Variants in ARHGEF4 observed in about 807,000 individuals in gnomAD.
ARHGEF4 encodes the protein APC-stimulated guanine nucleotide exchange factor 1.
Under a neutral mutation model 162.0 loss-of-function variants are expected in ARHGEF4, and 119 were observed. The observed-to-expected ratio is 0.73, with a 90% CI of 0.63 to 0.86. The LOEUF (loss-of-function observed/expected upper bound fraction) is 0.86. Among genes scored for constraint, ARHGEF4 ranks in the 40% least tolerant of loss-of-function variants. The pLI is 0.00. For synonymous variants in ARHGEF4, 1,014 were observed against 979.9 expected, an observed-to-expected ratio of 1.03 and a Z score of -0.65; for missense variants, 2,488 against 2,456.0, an observed-to-expected ratio of 1.01 and a Z score of -0.28.
At chr2:130,909,383 C>T (rs562375518) in intron 1 of ARHGEF4, among the ~76,000 whole-genome samples, 1 of 152,200 alleles carries the variant, frequency 6.6e-6, no homozygotes, top group South Asian at 2.1e-4. Flanking sequence ...GGGTGCATTT[C>T]AAAATAATCA....
At chr2:130,906,197 T>A (rs1214080774) in intron 1 of ARHGEF4, among the ~76,000 whole-genome samples, 4 of 152,212 alleles carry the variant, frequency 2.6e-5, no homozygotes, top group Admixed American at 2.0e-4. Flanking sequence ...ATCAACCACT[T>A]CTTCAAGAAG....
intron 4 of ARHGEF4, among the ~76,000 whole-genome samples, chr2:130,999,913 T>C (rs937350207): frequency 5.3e-5 from 8 of 152,230 alleles, no homozygotes; most frequent in Non-Finnish European, 8.8e-5. Context: ...GGTTTCACCA[T>C]GTTGGCCAGG....
intron 2 of ARHGEF4, among the ~76,000 whole-genome samples, chr2:130,921,535 T>TA (rs545480784): frequency 1.4e-3 from 206 of 152,324 alleles, no homozygotes; most frequent in African/African-American, 4.4e-3. Context: ...TGCATCAAAT[T>TA]ACACTCTCTC....
At chr2:130,889,288 A>G (rs1158625995) in intron 1 of ARHGEF4, among the ~76,000 whole-genome samples, 1 of 151,706 alleles carries the variant, frequency 6.6e-6, no homozygotes, top group African/African-American at 2.4e-5. Context: ...CTTCTGCAGT[A>G]CTCTTGTCTT....
At chr2:130,947,761 A>G (rs1401840171) in intron 4 of ARHGEF4, among the ~76,000 whole-genome samples, 1 of 152,070 alleles carries the variant, frequency 6.6e-6, no homozygotes, top group African/African-American at 2.4e-5. Context: ...CTCACACCCA[A>G]CCCAGCAGGG....
In ARHGEF4 at chr2:131,041,959, G is replaced by C; in HGVS notation, c.5025+15G>C. ...AGGACTGGGAGGTGAGGGCCTGGGG[G>C]CACAGAAAATTCCAGGAGGTCTTGG... On this transcript the variant is annotated intron_variant, in intron 10 of 13. Transcript: ENST00000409359. 6.2e-7 allele frequency: 1 copy of C among 1,607,780 alleles called. No individual in the cohort carries two copies. Among genetic ancestry groups the C allele is most frequent in the South Asian group, 1.1e-5 (1 of 90,504 alleles).
chr2:131,041,247 C>A lies in ARHGEF4; in HGVS notation c.4680C>A (p.Ile1560=). 1 of 1,613,598 alleles carries A rather than the reference C, an allele frequency of 6.2e-7. No homozygotes were observed. The highest frequency in any genetic ancestry group is 8.5e-7 in the Non-Finnish European group (1 of 1,179,884). The stretch of plus-strand genomic sequence containing the variant: ...CCCCTTAGCAAGCCGACTTCCAGAT[C>A]TACTCGGAGTACTGCAATAACCACC... The part of the protein sequence containing the change: ...CFLEHQADFQ[I]YSEYCNNHPN... The change falls in exon 9 of 14, where the codon ATC becomes ATA. Residue 1560 remains isoleucine (I), a synonymous_variant. Coordinates refer to ENST00000409359, the MANE Select transcript of ARHGEF4 (RefSeq NM_001367493.1).
At chr2:131,039,233 G>T (rs1690560007) in intron 6 of ARHGEF4, 3 of 1,264,638 alleles carry the variant, frequency 2.4e-6, no homozygotes, top group Admixed American at 3.0e-5. Flanking sequence ...GAGCCCTCGG[G>T]GGCCAGAGAG....
At chr2:131,005,062 A>G (rs984290238) in intron 4 of ARHGEF4, among the ~76,000 whole-genome samples, 3 of 152,158 alleles carry the variant, frequency 2.0e-5, no homozygotes, top group Non-Finnish European at 2.9e-5. Flanking sequence ...GTGGCTGAGT[A>G]TGGCTGAGGG....
chr2:130,921,695 T>C (rs1465975727), intron 2 of ARHGEF4, among the ~76,000 whole-genome samples: 2 of 152,054 alleles, frequency 1.3e-5, no homozygotes, highest in Non-Finnish European at 2.9e-5. Context: ...TAAGGAACTT[T>C]TGTTTTTGTT....
At chr2:130,871,532 G>A (rs565573398) in intron 1 of ARHGEF4, among the ~76,000 whole-genome samples, 31 of 150,152 alleles carry the variant, frequency 2.1e-4, no homozygotes, top group South Asian at 6.3e-4. Flanking sequence ...GCAAAACTCC[G>A]TCTCAAAAAA....
In ARHGEF4 at chr2:130,916,209, C is replaced by T. The variant is rs1017596555; in HGVS notation, c.2263C>T (p.Pro755Ser). Residue 755 changes from proline (P) to serine (S), a missense_variant, in exon 2 of 14, where the codon CCC (proline) becomes TCC (serine). By Grantham distance (74) the Pro-to-Ser change is moderately conservative. Transcript: ENST00000409359. ...AGGGGAGCGTGGCCCGGAGGAGGCC[C>T]CCGAAGGCGGTGCTGCAGCAGCCCG... is the stretch of plus-strand genomic sequence containing the variant. ...GSGERGPEEA[P>S]EGGAAAARGQ... The T allele has an allele frequency of 6.5e-7, 1 of 1,546,576 alleles. No homozygotes were observed. The highest frequency in any genetic ancestry group is 1.4e-5 in the African/African-American group (1 of 72,964).
intron 4 of ARHGEF4, among the ~76,000 whole-genome samples, chr2:131,001,828 T>C (rs1402843048): frequency 6.6e-6 from 1 of 152,180 alleles, no homozygotes; most frequent in Non-Finnish European, 1.5e-5. Context: ...GATATGTGCA[T>C]ATTTAGTAAG....
chr2:130,867,310 C>T (rs1682356940), intron 1 of ARHGEF4, among the ~76,000 whole-genome samples: 1 of 151,804 alleles, frequency 6.6e-6, no homozygotes, highest in South Asian at 2.1e-4. Context: ...GCGATCTCGG[C>T]TCACTGCAAC....
At chr2:131,040,225 C>A in intron 7 of ARHGEF4, 33 bp downstream of exon 7, 1 of 1,609,070 alleles carries the variant, frequency 6.2e-7, no homozygotes, top group Non-Finnish European at 8.5e-7. Context: ...TGACTGGGGA[C>A]CCGGTCGGGG....
At position 130,997,815 on chromosome 2, in the gene ARHGEF4, G is replaced by A. The variant is rs185028357; in HGVS notation, c.3986-30130G>A. ...ATGCAAATTTCATGTTAGCTTATGT[G>A]CAATTTCATCCACTAGAAACACCAG... On this transcript the variant is annotated intron_variant, in intron 4 of 13. Coordinates refer to ENST00000409359, the MANE Select transcript of ARHGEF4 (RefSeq NM_001367493.1). 8.7e-4 allele frequency among the ~76,000 whole-genome samples: 133 copies of A among 152,292 alleles called. 1 individual carries two copies. The highest frequency in any genetic ancestry group is 3.1e-3 in the African/African-American group (128 of 41,540).
At chr2:130,848,830 C>T (rs1490985217) in intron 1 of ARHGEF4, among the ~76,000 whole-genome samples, 4 of 152,158 alleles carry the variant, frequency 2.6e-5, no homozygotes, top group Admixed American at 1.3e-4. Context: ...GCCTGGGTGG[C>T]GCAGTGAGGC....
chr2:130,871,615 G>C (rs1487564861), intron 1 of ARHGEF4, among the ~76,000 whole-genome samples: 1 of 149,346 alleles, frequency 6.7e-6, no homozygotes, highest in Non-Finnish European at 1.5e-5. Flanking sequence ...ACACACACCT[G>C]CTTTCAGAAA....
At position 130,897,606 on chromosome 2, in the gene ARHGEF4, G is replaced by A. The variant is rs748745914; in HGVS notation, c.40-16380G>A. 9.2e-5 allele frequency among the ~76,000 whole-genome samples: 14 copies of A among 152,316 alleles called. No individual in the cohort carries two copies. The South Asian group carries it at 2.9e-3, about 32-fold the overall frequency. On this transcript the variant is annotated intron_variant, in intron 1 of 13. Transcript: ENST00000409359. ...AGTTTGTGAGTTTGAAACTAAAAGA[G>A]GAAAGGATCCGGTATTTGTTGAGTG...
Sources: allele counts gnomAD v4.1 joint callset (sites outside exome capture counted in the v4.1 genomes callset), GRCh38; gene constraint gnomAD v4.1.1; transcripts MANE v1.5; gene names NCBI Gene and HGNC (gene_info 2026-07-23, HGNC 2026-07-21).